Variants in CNTNAP3 observed in about 807,000 individuals in gnomAD.
The protein encoded by CNTNAP3 is contactin-associated protein-like 3.
In CNTNAP3, 36 loss-of-function variants were observed where a neutral mutation model predicts 92.1. The ratio of observed to expected loss-of-function variants is 0.39; its 90% CI spans 0.30 to 0.52. The LOEUF (loss-of-function observed/expected upper bound fraction) is 0.52, where lower values mean the gene tolerates loss of function less well. Ranked by LOEUF, CNTNAP3 falls within the 20% of genes least tolerant of loss-of-function variation. The probability of loss-of-function intolerance (pLI) is 0.76; values close to 1 mark genes in which losing one functional copy is unlikely to be tolerated. For missense variants in CNTNAP3, 534 were observed against 1,069.6 expected, an observed-to-expected ratio of 0.50 and a Z score of 6.98; for synonymous variants, 232 against 422.3, an observed-to-expected ratio of 0.55 and a Z score of 5.53.
chr9:39,131,918 C>G (rs1587723888), intron 13 of CNTNAP3, among the ~76,000 whole-genome samples: 1 of 151,074 alleles, frequency 6.6e-6, no homozygotes, highest in Admixed American at 6.6e-5. Flanking sequence ...CAGCGCAAAC[C>G]ACCTTCAGAT....
intron 13 of CNTNAP3, among the ~76,000 whole-genome samples, chr9:39,132,361 T>C (rs556916512): frequency 8.5e-5 from 13 of 152,160 alleles, no homozygotes; most frequent in Non-Finnish European, 1.2e-4. Context: ...ATTACTTCCA[T>C]ATATGAAGAT....
intron 18 of CNTNAP3, among the ~76,000 whole-genome samples, chr9:39,089,077 G>T (rs1198871169): frequency 2.6e-5 from 4 of 152,104 alleles, no homozygotes; most frequent in Non-Finnish European, 4.4e-5. Context: ...AAAATTCTAT[G>T]TCTTTTAGTA....
intron 21 of CNTNAP3, among the ~76,000 whole-genome samples, chr9:39,083,132 A>C (rs1825984501): frequency 6.6e-6 from 1 of 152,146 alleles, no homozygotes; most frequent in African/African-American, 2.4e-5. Context: ...AGAAATATTT[A>C]ATTACCAAAA....
Position 39,144,284 on chromosome 9 carries a change from C to A in CNTNAP3, c.1712G>T (p.Cys571Phe), listed in dbSNP as rs1292331662. The A allele has an allele frequency of 6.3e-7, 1 of 1,581,360 alleles. No individual in the cohort carries two copies. The highest frequency in any genetic ancestry group is 2.3e-5 in the East Asian group (1 of 43,150). Residue 571 changes from cysteine (C) to phenylalanine (F), a missense_variant, in exon 11 of 24, where the codon TGT becomes TTT. By Grantham distance (205) the Cys-to-Phe change is radical (BLOSUM62 -2). Transcript: ENST00000297668. ...ECSQSWDTFS[C>F]DCLGTGYTGE... ...CGTATAGCCTGTGCCTAGACAGTCA[C>A]AGGAGAAGGTGTCCCACGACTGGGA...
intron 15 of CNTNAP3, among the ~76,000 whole-genome samples, chr9:39,104,514 A>G (rs965215164): frequency 6.8e-6 from 1 of 147,800 alleles, no homozygotes; most frequent in Non-Finnish European, 1.5e-5. Context: ...ACACACACAC[A>G]CACACACTGT....
At chr9:39,139,579 C>G (rs1821521988) in intron 12 of CNTNAP3, among the ~76,000 whole-genome samples, 1 of 152,102 alleles carries the variant, frequency 6.6e-6, no homozygotes, top group Non-Finnish European at 1.5e-5. Context: ...ATTTATGAAA[C>G]TTTTGAAACC....
At chr9:39,118,054 T>G in intron 14 of CNTNAP3, 49 bp downstream of exon 14, 1 of 1,580,628 alleles carries the variant, frequency 6.3e-7, no homozygotes, top group Non-Finnish European at 8.6e-7. Context: ...TATGCATAAT[T>G]AAAGAATAAA....
Position 39,161,695 on chromosome 9 carries a change from T to TAATAATAATAAA in CNTNAP3, c.1477+4237_1477+4238insTTTATTATTATT, listed in dbSNP as rs35637989. Among the ~76,000 whole-genome samples the TAATAATAATAAA allele has an allele frequency of 1.8e-3, 227 of 127,662 alleles. 7 individuals are homozygous for TAATAATAATAAA. The South Asian group carries it at 0.023, about 13-fold the overall frequency. The allele number at this position is 127,662 out of a possible 152,430, so 83.8% of individuals were successfully genotyped here. On this transcript the variant is annotated intron_variant, in intron 9 of 23. Coordinates refer to ENST00000297668, the MANE Select transcript of CNTNAP3 (RefSeq NM_033655.5). ...ATAATAATAATAATAATAATAATAATAAATTAGCTGGATGTGGTGGCACGT... is the reference window on the plus strand; with the variant it reads ...ATAATAATAATAATAATAATAATAATAATAATAATAAAAAATTAGCTGGATGTGGTGGCACGT...
In CNTNAP3 at chr9:39,065,321, T is replaced by C. The variant is rs1746782712; in HGVS notation, c.*8569A>G. Among the ~76,000 whole-genome samples, 1 of 152,304 alleles carries C rather than the reference T, an allele frequency of 6.6e-6. No homozygotes were observed. Among genetic ancestry groups the C allele is most frequent in the South Asian group, 2.1e-4 (1 of 4,836 alleles). On this transcript the variant is annotated 3_prime_UTR_variant, in exon 24 of 24. Transcript: ENST00000297668. The stretch of plus-strand genomic sequence containing the variant: ...CAGTTACCAGTAGTTTTGTCCATTT[T>C]ATAGCTGAAGAGTATTTCATTATTA...
intron 10 of CNTNAP3, among the ~76,000 whole-genome samples, chr9:39,144,909 C>A (rs535470449): frequency 1.8e-4 from 27 of 151,800 alleles, no homozygotes; most frequent in African/African-American, 6.0e-4. Flanking sequence ...GTCAATATGA[C>A]CCAAAGCAAT....
intron 13 of CNTNAP3, among the ~76,000 whole-genome samples, chr9:39,127,605 A>G (rs1192542639): frequency 6.6e-6 from 1 of 152,184 alleles, no homozygotes; most frequent in African/African-American, 2.4e-5. Flanking sequence ...TGCTGGAGAC[A>G]TCAAACAAAT....
intron 4 of CNTNAP3, among the ~76,000 whole-genome samples, chr9:39,179,285 C>CCACACACACA (rs1587747228): frequency 3.1e-5 from 1 of 31,932 alleles, no homozygotes; most frequent in Admixed American, 4.5e-4. Context: ...CTCTCTCTCT[C>CCACACACACA]TACACACACA....
At chr9:39,143,668 A>G (rs1563891267) in intron 11 of CNTNAP3, among the ~76,000 whole-genome samples, 1 of 152,162 alleles carries the variant, frequency 6.6e-6, no homozygotes. Flanking sequence ...TTCACTTTAC[A>G]ATCATCATCA....
chr9:39,128,347 A>T (rs543740707), intron 13 of CNTNAP3, among the ~76,000 whole-genome samples: 2 of 152,102 alleles, frequency 1.3e-5, no homozygotes, highest in African/African-American at 4.8e-5. Flanking sequence ...TATTCAATAA[A>T]ATATTAATAA....
At chr9:39,083,335 G>T (rs989785504) in intron 21 of CNTNAP3, among the ~76,000 whole-genome samples, 4 of 151,868 alleles carry the variant, frequency 2.6e-5, no homozygotes, top group Admixed American at 1.3e-4. Flanking sequence ...TTTGCACTCT[G>T]TTTTTTTGAT....
chr9:39,132,626 G>C (rs1276313183), intron 13 of CNTNAP3, among the ~76,000 whole-genome samples: 2 of 152,124 alleles, frequency 1.3e-5, no homozygotes, highest in African/African-American at 4.8e-5. Context: ...CTGCCCTACA[G>C]CCATTATCTC....
At chr9:39,126,386 C>T (rs981956090) in intron 13 of CNTNAP3, among the ~76,000 whole-genome samples, 1 of 152,044 alleles carries the variant, frequency 6.6e-6, no homozygotes, top group African/African-American at 2.4e-5. Flanking sequence ...ATAAATGATA[C>T]CAATTTTCCA....
intron 12 of CNTNAP3, 56 bp from the exon 13 acceptor site, chr9:39,133,191 G>C: frequency 6.6e-7 from 1 of 1,523,798 alleles, no homozygotes; most frequent in Non-Finnish European, 8.8e-7. Flanking sequence ...CCAGCAGCAA[G>C]AGGCAAAGCA....
chr9:39,101,443 A>G (rs185100568), intron 17 of CNTNAP3, among the ~76,000 whole-genome samples: 1 of 146,954 alleles, frequency 6.8e-6, no homozygotes, highest in East Asian at 2.1e-4. Flanking sequence ...CTAAGTTAGA[A>G]TAGTTTCAAA....
Sources: allele counts gnomAD v4.1 joint callset (sites outside exome capture counted in the v4.1 genomes callset), GRCh38; gene constraint gnomAD v4.1.1; transcripts MANE v1.5; gene names NCBI Gene and HGNC (gene_info 2026-07-23, HGNC 2026-07-21).